LMBRD1: variants seen among roughly 807,000 people sequenced by gnomAD.
LMBRD1 encodes LMBR1 domain containing 1, also known as lysosomal cobalamin transport escort protein LMBD1.
A neutral mutation model predicts 74.8 loss-of-function variants in LMBRD1; 64 were observed. The ratio of observed to expected loss-of-function variants is 0.86; its 90% confidence interval spans 0.70 to 1.05. LMBRD1 has a LOEUF of 1.05. Among genes scored for constraint, LMBRD1 ranks in the 50% least tolerant of loss-of-function variants. The pLI is 0.00. For missense variants in LMBRD1, 652 were observed against 645.9 expected (o/e 1.01, Z -0.10); for synonymous variants, 204 against 216.3 (o/e 0.94, Z 0.50).
In LMBRD1 at chr6:69,697,586, C is replaced by A. The variant is rs758640904; in HGVS notation, c.1394G>T (p.Arg465Ile). 1 of 1,607,424 alleles carries A rather than the reference C, an allele frequency of 6.2e-7. No homozygotes were observed. Among genetic ancestry groups the A allele is most frequent in the Non-Finnish European group, 8.5e-7 (1 of 1,174,668 alleles). ...KGNSTLSVPK[R>I]CDADAPEDQC... ...ACCTTCAGGAGCATCTGCATCACAT[C>A]TCTTTGGCACAGAAAGGGTTGAATT... Residue 465 changes from arginine to isoleucine, a missense_variant, in exon 14 of 16, where the codon AGA (arginine) becomes ATA (isoleucine). Arg to Ile is a moderately conservative substitution (Grantham distance 97, BLOSUM62 -3). Transcript: ENST00000649934.
chr6:69,722,541 G>A (rs1766639382), intron 7 of LMBRD1, among the ~76,000 whole-genome samples: 1 of 151,940 alleles, frequency 6.6e-6, no homozygotes, highest in South Asian at 2.1e-4. Context: ...AAAAGCAGGA[G>A]GATAAAGTTA....
At chr6:69,741,355 G>T (rs956667531) in intron 6 of LMBRD1, among the ~76,000 whole-genome samples, 23 of 151,928 alleles carry the variant, frequency 1.5e-4, no homozygotes, top group African/African-American at 5.3e-4. Flanking sequence ...TCAAAATGAC[G>T]AGTTAGAAAA....
chr6:69,779,928 T>A (rs952348094), intron 3 of LMBRD1, among the ~76,000 whole-genome samples: 1 of 152,170 alleles, frequency 6.6e-6, no homozygotes, highest in East Asian at 1.9e-4. Flanking sequence ...CAGAAAAGTT[T>A]AGGCAACCTT....
chr6:69,752,235 G>A lies in LMBRD1; in HGVS notation c.405+24C>T, dbSNP rs201855096. ...ATATTATTTTTCTTTCCTAAACTAAGGCCTCTAAAATAAAGATACTTACAG... is the reference window on the plus strand; with the variant it reads ...ATATTATTTTTCTTTCCTAAACTAAAGCCTCTAAAATAAAGATACTTACAG... On this transcript the variant is annotated intron_variant, in intron 4 of 15. Coordinates refer to ENST00000649934, the MANE Select transcript of LMBRD1 (RefSeq NM_018368.4). 8 of 1,599,080 alleles carry A rather than the reference G, an allele frequency of 5.0e-6. No homozygotes were observed. In the East Asian group the frequency reaches 1.6e-4, roughly 31 times the overall value.
chr6:69,715,252 G>T (rs891371851), intron 8 of LMBRD1, among the ~76,000 whole-genome samples: 6 of 151,868 alleles, frequency 4.0e-5, no homozygotes, highest in Non-Finnish European at 5.9e-5. Context: ...CGTATCAAAA[G>T]GATACTACAA....
At chr6:69,712,178 T>C (rs542824848) in intron 9 of LMBRD1, among the ~76,000 whole-genome samples, 1 of 152,278 alleles carries the variant, frequency 6.6e-6, no homozygotes, top group African/African-American at 2.4e-5. Context: ...GTGTTTGAAA[T>C]GCTTCCAGAT....
Position 69,676,555 on chromosome 6 carries a change from T to C in LMBRD1, c.1418-14A>G, listed in dbSNP as rs550289200. On this transcript the variant is annotated splice_polypyrimidine_tract_variant and intron_variant, in intron 14 of 15. Transcript: ENST00000649934. ...CAGTACACTGATCTGTGAAAGCAAA[T>C]AAAAGACTATGGTGAGATAGGTTCT... 3.2e-6 allele frequency: 5 copies of C among 1,574,416 alleles called. No individual in the cohort carries two copies. In the South Asian group the frequency reaches 5.5e-5, roughly 17 times the overall value.
At chr6:69,681,725 A>G (rs1765667342) in intron 14 of LMBRD1, among the ~76,000 whole-genome samples, 1 of 152,046 alleles carries the variant, frequency 6.6e-6, no homozygotes, top group East Asian at 1.9e-4. Context: ...AGAAGCCTAG[A>G]CTATTTAGAA....
intron 4 of LMBRD1, among the ~76,000 whole-genome samples, chr6:69,749,951 AG>A: frequency 3.4e-5 from 1 of 29,128 alleles, no homozygotes; most frequent in Non-Finnish European, 5.3e-5. Flanking sequence ...TACATATATA[AG>A]TATATATACA....
intron 8 of LMBRD1, among the ~76,000 whole-genome samples, chr6:69,714,798 C>T (rs1056739855): frequency 1.3e-5 from 2 of 152,060 alleles, no homozygotes; most frequent in African/African-American, 2.4e-5. Flanking sequence ...CTTTACATAT[C>T]GGCATCACTA....
At chr6:69,715,704 G>A (rs74968777) in intron 8 of LMBRD1, among the ~76,000 whole-genome samples, 7 of 151,572 alleles carry the variant, frequency 4.6e-5, no homozygotes, top group African/African-American at 7.3e-5. Flanking sequence ...ACACACACAC[G>A]TACACATATA....
At chr6:69,678,423 AC>A (rs1314872652) in intron 14 of LMBRD1, among the ~76,000 whole-genome samples, 2 of 151,774 alleles carry the variant, frequency 1.3e-5, no homozygotes, top group African/African-American at 4.8e-5. Flanking sequence ...GGCAACTGAA[AC>A]TTTTATTGAA....
chr6:69,764,717 T>G (rs1765443732), intron 3 of LMBRD1, among the ~76,000 whole-genome samples: 3 of 152,188 alleles, frequency 2.0e-5, no homozygotes, highest in Admixed American at 6.5e-5. Context: ...ATATAAGCCC[T>G]TTATGATTTA....
At chr6:69,751,475 T>C (rs1200027627) in intron 4 of LMBRD1, among the ~76,000 whole-genome samples, 1 of 152,168 alleles carries the variant, frequency 6.6e-6, no homozygotes, top group Non-Finnish European at 1.5e-5. Flanking sequence ...TACAGGCCCT[T>C]GCCGCCATGC....
intron 2 of LMBRD1, among the ~76,000 whole-genome samples, chr6:69,784,142 C>G (rs766664329): frequency 3.3e-5 from 5 of 152,126 alleles, no homozygotes; most frequent in Non-Finnish European, 5.9e-5. Context: ...TTTTGGGAAC[C>G]ACTATGACCT....
intron 3 of LMBRD1, among the ~76,000 whole-genome samples, chr6:69,756,267 G>A (rs1437302562): frequency 2.0e-5 from 3 of 151,458 alleles, no homozygotes; most frequent in African/African-American, 4.9e-5. Flanking sequence ...GGAGGCTGAG[G>A]CAGGAGAATT....
chr6:69,728,084 G>A (rs547290650), intron 7 of LMBRD1, among the ~76,000 whole-genome samples: 1 of 152,286 alleles, frequency 6.6e-6, no homozygotes, highest in African/African-American at 2.4e-5. Flanking sequence ...TGTACAGGAA[G>A]CATGGTTAGG....
chr6:69,740,198 A>G (rs1767070593), intron 6 of LMBRD1, among the ~76,000 whole-genome samples: 1 of 152,214 alleles, frequency 6.6e-6, no homozygotes, highest in South Asian at 2.1e-4. Context: ...CGAAAGGACT[A>G]AAAATTAAGA....
chr6:69,704,719 A>G (rs76491489), intron 9 of LMBRD1, among the ~76,000 whole-genome samples: 12,235 of 152,196 alleles, frequency 0.08, 656 homozygotes, highest in Admixed American at 0.15. Context: ...CTTTATTAGT[A>G]CTAAATTAGG....
Sources: gnomAD v4.1 joint callset for allele counts (sites outside exome capture counted in the v4.1 genomes callset) on GRCh38, gnomAD v4.1.1 for gene constraint, MANE v1.5 for transcripts, NCBI Gene and HGNC (gene_info 2026-07-23, HGNC 2026-07-21) for gene names.